Variants in SERPINB8 observed in about 807,000 individuals in gnomAD.
SERPINB8 encodes the protein serpin family B member 8.
SERPINB8 carries 25 observed loss-of-function variants against 35.3 expected under a neutral mutation model. The ratio of observed to expected loss-of-function variants is 0.71; its 90% CI spans 0.52 to 0.99. SERPINB8 has a LOEUF of 0.99. Ranked by LOEUF, SERPINB8 falls within the 50% of genes least tolerant of loss-of-function variation. SERPINB8 has a pLI of 0.00. For missense variants in SERPINB8, 484 were observed against 446.5 expected (o/e 1.08, Z -0.76); for synonymous variants, 186 against 160.8 (o/e 1.16, Z -1.19).
intron 1 of SERPINB8, among the ~76,000 whole-genome samples, chr18:63,998,672 G>C (rs2050861028): frequency 6.6e-6 from 1 of 152,130 alleles, no homozygotes; most frequent in East Asian, 1.9e-4. Context: ...TTCCATGGTG[G>C]ATCATGCAAG....
rs539284858 is a variant in SERPINB8 at position 64,013,304 on chromosome 18, A to G, written c.*3-5606A>G. 7.2e-5 allele frequency among the ~76,000 whole-genome samples: 11 copies of G among 152,140 alleles called. No homozygotes were observed. In the East Asian group the frequency reaches 2.1e-3, roughly 30 times the overall value. On this transcript the variant is annotated intron_variant, in intron 7 of 7. Coordinates refer to the SERPINB8 transcript ENST00000636430. ...GTTCCTCCACCCTGATTTATCCATC[A>G]ATAGCCATATACATTATTACTTTCG... is the stretch of plus-strand genomic sequence containing the variant.
chr18:64,018,915 A>G (rs1191591034), exon 8 of SERPINB8: 2 of 152,172 alleles, frequency 1.3e-5, no homozygotes, highest in South Asian at 2.1e-4. Context: ...TTTAGTTCTA[A>G]GGATTCTAAC....
rs1490577319 is a variant in SERPINB8, at chr18:63,988,679, T to C, written c.*1401T>C. On this transcript the variant is annotated 3_prime_UTR_variant, in exon 7 of 7. Coordinates refer to ENST00000397985, the MANE Select transcript of SERPINB8 (RefSeq NM_002640.4). ...GGTTAATCCTGACTCTGTTTTTGAC[T>C]GACAGTTAACAGTTACATGAACCAT... The C allele has an allele frequency of 6.6e-6, 1 of 152,232 alleles. No individual in the cohort carries two copies. Among genetic ancestry groups the C allele is most frequent in the Non-Finnish European group, 1.5e-5 (1 of 68,044 alleles). 9.4% of individuals were successfully genotyped at this position (152,232 alleles called of 1,614,324 possible).
At chr18:64,015,844 G>C (rs113121108) in intron 7 of SERPINB8, among the ~76,000 whole-genome samples, 1 of 152,170 alleles carries the variant, frequency 6.6e-6, no homozygotes, top group Admixed American at 6.5e-5. Flanking sequence ...GCTGCTGCTT[G>C]TGTCAGAGAA....
In SERPINB8 at chr18:63,976,004, A is replaced by T. The variant is rs376126913; in HGVS notation, c.-10-2295A>T. Among the ~76,000 whole-genome samples, 4 of 152,320 alleles carry T rather than the reference A, an allele frequency of 2.6e-5. No homozygotes were observed. In the East Asian group the frequency reaches 7.7e-4, roughly 29 times the overall value. On this transcript the variant is annotated intron_variant, in intron 1 of 6. Coordinates refer to ENST00000397985, the MANE Select transcript of SERPINB8 (RefSeq NM_002640.4). ...TGGATGAGGCTCCATCTGTTTATAG[A>T]AATGAACACATGCACGATAATTTAT...
At chr18:64,003,048 T>C (rs1174549925) in intron 1 of SERPINB8, among the ~76,000 whole-genome samples, 2 of 152,224 alleles carry the variant, frequency 1.3e-5, no homozygotes, top group Non-Finnish European at 2.9e-5. Flanking sequence ...CCTCGCATTC[T>C]CTTCTCAGGC....
chr18:63,977,089 G>C (rs936698142), intron 1 of SERPINB8, among the ~76,000 whole-genome samples: 4 of 151,968 alleles, frequency 2.6e-5, no homozygotes, highest in African/African-American at 9.7e-5. Context: ...GATTATATTG[G>C]AGACATTAAA....
chr18:64,014,642 G>A (rs2144852374), intron 7 of SERPINB8, among the ~76,000 whole-genome samples: 1 of 152,172 alleles, frequency 6.6e-6, no homozygotes, highest in South Asian at 2.1e-4. Flanking sequence ...TGTTTTTGTT[G>A]CATATTCCAA....
chr18:63,997,391 A>C (rs550724043), intron 1 of SERPINB8, among the ~76,000 whole-genome samples: 8 of 152,238 alleles, frequency 5.3e-5, no homozygotes, highest in African/African-American at 1.9e-4. Flanking sequence ...GGGGCCTTCA[A>C]CTCAATGGCA....
In SERPINB8 at chr18:63,970,784, TC is replaced by T. The variant is rs547132746; in HGVS notation, c.-11+622del. On this transcript the variant is annotated intron_variant, in intron 1 of 6. Transcript: ENST00000397985. ...GTTGCACCTTCTCCTTCCCTTCCTG[TC>T]CCCCCCCTCCGTTCTTTCCACCCCT... 7.2e-4 allele frequency among the ~76,000 whole-genome samples: 109 copies of T among 151,646 alleles called. 1 individual carries two copies. The highest frequency in any genetic ancestry group is 6.6e-3 in the East Asian group (34 of 5,138).
downstream of SERPINB8, among the ~76,000 whole-genome samples, chr18:63,994,343 C>A (rs1275733645): frequency 6.6e-6 from 1 of 152,132 alleles, no homozygotes; most frequent in Non-Finnish European, 1.5e-5. Flanking sequence ...CTCTTTCTCT[C>A]TCTCTCTCTC....
chr18:64,011,740 T>A (rs1176916960), intron 7 of SERPINB8, among the ~76,000 whole-genome samples: 1 of 152,116 alleles, frequency 6.6e-6, no homozygotes, highest in Non-Finnish European at 1.5e-5. Context: ...TAGTTGATAT[T>A]AGGGAAGCAA....
intron 1 of SERPINB8, among the ~76,000 whole-genome samples, chr18:63,994,875 C>G (rs2050841438): frequency 6.6e-6 from 1 of 152,142 alleles, no homozygotes; most frequent in African/African-American, 2.4e-5. Flanking sequence ...TCAGTCCGTC[C>G]CAGACACAAT....
downstream of SERPINB8, among the ~76,000 whole-genome samples, chr18:63,992,270 A>G (rs2050828694): frequency 6.6e-6 from 1 of 151,774 alleles, no homozygotes; most frequent in Non-Finnish European, 1.5e-5. Flanking sequence ...TTATATTGCA[A>G]CTCTATTTTC....
chr18:63,974,327 G>A (rs981280398), intron 1 of SERPINB8, among the ~76,000 whole-genome samples: 1 of 152,176 alleles, frequency 6.6e-6, no homozygotes, highest in African/African-American at 2.4e-5. Flanking sequence ...AACAGGTAGT[G>A]AACATTCTAC....
rs1439696409 is a variant in SERPINB8, at chr18:63,987,527, CTT to C, written c.*250_*251del. ...TTGGGGTGCCTGCCATTGCCTCTGCCTTCACCTAAGTCTGTGCCCATTGTTTC... is the reference window on the plus strand; with the variant it reads ...TTGGGGTGCCTGCCATTGCCTCTGCCCACCTAAGTCTGTGCCCATTGTTTC... On this transcript the variant is annotated 3_prime_UTR_variant, in exon 7 of 7. Coordinates refer to ENST00000397985, the MANE Select transcript of SERPINB8 (RefSeq NM_002640.4). 14 of 487,014 alleles carry C rather than the reference CTT, an allele frequency of 2.9e-5. No homozygotes were observed. The highest frequency in any genetic ancestry group is 2.3e-4 in the African/African-American group (12 of 51,322). 30.2% of individuals were successfully genotyped at this position (487,014 alleles called of 1,614,324 possible). A position where few individuals can be genotyped will look rare whatever the true frequency, so the allele number is the denominator to read the frequency against.
downstream of SERPINB8, among the ~76,000 whole-genome samples, chr18:63,989,942 CAAAAAAAAAAAAAAAA>C (rs1161052778): frequency 1.8e-4 from 5 of 27,862 alleles, no homozygotes; most frequent in South Asian, 0.011. Flanking sequence ...GACTCTGTCT[CAAAAAAAAAAAAAAAA>C]AAAAAAAAAA....
At chr18:64,016,555 G>A (rs141398699) in intron 7 of SERPINB8, among the ~76,000 whole-genome samples, 1 of 152,264 alleles carries the variant, frequency 6.6e-6, no homozygotes, top group African/African-American at 2.4e-5. Context: ...AGCGGTTTAT[G>A]GGAAAGTCAC....
At chr18:63,974,650 G>A (rs905359175) in intron 1 of SERPINB8, among the ~76,000 whole-genome samples, 1 of 152,170 alleles carries the variant, frequency 6.6e-6, no homozygotes, top group South Asian at 2.1e-4. Flanking sequence ...GGCACCTAAA[G>A]TATTATTTTG....
Sources: allele counts gnomAD v4.1 joint callset (sites outside exome capture counted in the v4.1 genomes callset), GRCh38; gene constraint gnomAD v4.1.1; transcripts MANE v1.5; gene names NCBI Gene and HGNC (gene_info 2026-07-23, HGNC 2026-07-21).